The following EVA1C variants were observed in gnomAD, a reference collection of about 807,000 sequenced individuals.
The protein encoded by EVA1C is eva-1 homolog C.
A neutral mutation model predicts 45.4 loss-of-function variants in EVA1C; 25 were observed. The ratio of observed to expected loss-of-function variants is 0.55; its 90% CI spans 0.40 to 0.77. The LOEUF is 0.77. Ranked by LOEUF, EVA1C falls within the 30% of genes least tolerant of loss-of-function variation. The pLI, the probability that EVA1C is intolerant of heterozygous loss-of-function variation, is 0.00. For synonymous variants in EVA1C, 190 were observed against 221.2 expected (o/e 0.86, Z 1.25); for missense variants, 479 against 554.8 (o/e 0.86, Z 1.37).
At chr21:32,507,719 T>C (rs999129670) in intron 7 of EVA1C, among the ~76,000 whole-genome samples, 6 of 151,414 alleles carry the variant, frequency 4.0e-5, no homozygotes, top group Non-Finnish European at 8.8e-5. Context: ...TGTGTGTGCA[T>C]GTGTGTGCAT....
At chr21:32,466,443 T>G (rs2036178727) in intron 3 of EVA1C, among the ~76,000 whole-genome samples, 1 of 150,568 alleles carries the variant, frequency 6.6e-6, no homozygotes, top group Non-Finnish European at 1.5e-5. Context: ...AAAATTCAAA[T>G]CATTATTAAA....
At chr21:32,507,555 C>CAT (rs56080845) in intron 7 of EVA1C, among the ~76,000 whole-genome samples, 101 of 148,002 alleles carry the variant, frequency 6.8e-4, no homozygotes, top group East Asian at 2.8e-3. Context: ...TGTATGTATG[C>CAT]GTGTTTTTGT....
intron 1 of EVA1C, among the ~76,000 whole-genome samples, chr21:32,422,016 G>C (rs1298779664): frequency 7.4e-6 from 1 of 134,694 alleles, no homozygotes; most frequent in Non-Finnish European, 1.5e-5. Flanking sequence ...CTGCACTCCA[G>C]CCTGGGCAAC....
intron 4 of EVA1C, among the ~76,000 whole-genome samples, chr21:32,472,427 T>C (rs901243916): frequency 6.6e-6 from 1 of 152,192 alleles, no homozygotes. Flanking sequence ...CCCAAAGTGC[T>C]GGGATTACAG....
chr21:32,460,880 G>C (rs889038900), intron 3 of EVA1C, among the ~76,000 whole-genome samples: 1 of 152,024 alleles, frequency 6.6e-6, no homozygotes, highest in Non-Finnish European at 1.5e-5. Context: ...TGAGTAACTG[G>C]GATTATAGGC....
chr21:32,421,316 G>A (rs1044109109), intron 1 of EVA1C, among the ~76,000 whole-genome samples: 1 of 151,132 alleles, frequency 6.6e-6, no homozygotes, highest in Non-Finnish European at 1.5e-5. Flanking sequence ...ACTGTATAGT[G>A]AGGAATTAGA....
In EVA1C at chr21:32,513,551, C is replaced by CTTTT. The variant is rs1165725714; in HGVS notation, c.950-1247_950-1244dup. ...TTATTTATTTTAATATTTTTCTTTT[C>CTTTT]TTTTTTTTTTTTTTTTTTTGAGGCA... On this transcript the variant is annotated intron_variant, in intron 7 of 7. Transcript: ENST00000300255. 1.2e-3 allele frequency among the ~76,000 whole-genome samples: 131 copies of CTTTT among 106,762 alleles called. 8 individuals are homozygous for CTTTT. The highest frequency in any genetic ancestry group is 4.1e-3 in the South Asian group (14 of 3,388). 70.0% of individuals were successfully genotyped at this position (106,762 alleles called of 152,430 possible).
chr21:32,491,483 G>A (rs1198447023), intron 4 of EVA1C, among the ~76,000 whole-genome samples: 1 of 151,914 alleles, frequency 6.6e-6, no homozygotes, highest in Non-Finnish European at 1.5e-5. Context: ...GGGGTCAGGA[G>A]TTCGAGACCA....
At chr21:32,439,374 C>G (rs191160495) in intron 1 of EVA1C, among the ~76,000 whole-genome samples, 408 of 152,284 alleles carry the variant, frequency 2.7e-3, no homozygotes, top group African/African-American at 9.2e-3. Context: ...AGCCAGGTCA[C>G]TGGCGAGTGT....
intron 4 of EVA1C, among the ~76,000 whole-genome samples, chr21:32,479,008 A>G (rs1249031980): frequency 6.6e-6 from 1 of 152,270 alleles, no homozygotes; most frequent in Non-Finnish European, 1.5e-5. Flanking sequence ...AAATAAACAC[A>G]GGTTGGAAGG....
intron 3 of EVA1C, among the ~76,000 whole-genome samples, chr21:32,466,851 A>G (rs1374983352): frequency 6.7e-6 from 1 of 150,134 alleles, no homozygotes; most frequent in African/African-American, 2.5e-5. Context: ...ATTAGAGATG[A>G]GGTCTTGCTA....
rs535194559 is a variant in EVA1C, at chr21:32,484,788, C to T, written c.635-10239C>T. 2.6e-5 allele frequency among the ~76,000 whole-genome samples: 4 copies of T among 152,262 alleles called. No individual in the cohort carries two copies. In the South Asian group the frequency reaches 6.2e-4, roughly 24 times the overall value. ...TAAGACCCAGTGAGCTCCCTCGACT[C>T]ACCCCCACCCACTGTGTGTGCTTCT... On this transcript the variant is annotated intron_variant, in intron 4 of 7. Transcript: ENST00000300255.
chr21:32,465,461 C>T (rs943063634), intron 3 of EVA1C, among the ~76,000 whole-genome samples: 2 of 152,118 alleles, frequency 1.3e-5, no homozygotes, highest in East Asian at 1.9e-4. Context: ...TGCACCTGTC[C>T]GCTATGTGGT....
At chr21:32,433,851 G>A (rs946465451) in intron 1 of EVA1C, among the ~76,000 whole-genome samples, 9 of 88,384 alleles carry the variant, frequency 1.0e-4, no homozygotes, top group Non-Finnish European at 1.7e-4. Flanking sequence ...CCAGTATAAT[G>A]GGTGTCCTTA....
chr21:32,461,703 C>A (rs750215997), intron 3 of EVA1C, among the ~76,000 whole-genome samples: 4 of 152,212 alleles, frequency 2.6e-5, no homozygotes, highest in African/African-American at 4.8e-5. Flanking sequence ...TGCCACTGAT[C>A]GGGTTTATTT....
chr21:32,492,709 G>GT (rs56851883), intron 4 of EVA1C, among the ~76,000 whole-genome samples: 13,992 of 147,514 alleles, frequency 0.095, 753 homozygotes, highest in Middle Eastern at 0.2. Context: ...GTTTTCTTTT[G>GT]TTTTTTTTTT....
intron 1 of EVA1C, among the ~76,000 whole-genome samples, chr21:32,421,284 G>A (rs566709733): frequency 1.4e-4 from 22 of 152,318 alleles, no homozygotes; most frequent in Admixed American, 7.2e-4. Context: ...GTGCCTGAGC[G>A]CAGGCGATAA....
intron 4 of EVA1C, among the ~76,000 whole-genome samples, chr21:32,494,355 T>G (rs2050459547): frequency 6.6e-6 from 1 of 152,176 alleles, no homozygotes. Context: ...AGGAGATTGA[T>G]TCTCAAAATA....
chr21:32,417,253 A>G (rs1191777565), intron 1 of EVA1C, among the ~76,000 whole-genome samples: 1 of 152,236 alleles, frequency 6.6e-6, no homozygotes, highest in African/African-American at 2.4e-5. Flanking sequence ...GGTGGCTTAC[A>G]CAAGGAACAT....
Sources: gnomAD v4.1 joint callset for allele counts (sites outside exome capture counted in the v4.1 genomes callset) on GRCh38, gnomAD v4.1.1 for gene constraint, MANE v1.5 for transcripts, NCBI Gene and HGNC (gene_info 2026-07-23, HGNC 2026-07-21) for gene names.